RUNX1: variants seen among roughly 807,000 people sequenced by gnomAD.
RUNX1 encodes the protein runt-related transcription factor 1.
RUNX1 carries 19 observed loss-of-function variants against 42.8 expected under a neutral mutation model. That is an observed-to-expected ratio of 0.44 (90% confidence interval 0.31 to 0.65). The LOEUF is 0.65. RUNX1 is among the 30% of genes least tolerant of loss of function. The probability of loss-of-function intolerance (pLI) is 0.07; values close to 1 mark genes in which losing one functional copy is unlikely to be tolerated. For synonymous variants in RUNX1, 271 were observed against 289.4 expected (o/e 0.94, Z 0.64); for missense variants, 528 against 672.0 (o/e 0.79, Z 2.37).
In RUNX1 at chr21:34,789,580, T is replaced by A. The variant is rs1301459197; in HGVS notation, c.*2555A>T. On this transcript the variant is annotated 3_prime_UTR_variant, in exon 9 of 9. Transcript: ENST00000675419. ...ATCTACCTGAAGTCAATGAATGCAATTTTTCACACACACACACACACACGC... is the reference window on the plus strand; with the variant it reads ...ATCTACCTGAAGTCAATGAATGCAAATTTTCACACACACACACACACACGC... 4.3e-6 allele frequency: 1 copy of A among 231,516 alleles called. No homozygotes were observed. Among genetic ancestry groups the A allele is most frequent in the Non-Finnish European group, 8.5e-6 (1 of 118,044 alleles). The allele number at this position is 231,516 out of a possible 1,614,324, so 14.3% of individuals were successfully genotyped here.
At chr21:34,950,424 C>A (rs961764249) in intron 2 of RUNX1, among the ~76,000 whole-genome samples, 8 of 148,956 alleles carry the variant, frequency 5.4e-5, no homozygotes, top group African/African-American at 2.1e-4. Context: ...AAGCTCTTAA[C>A]AAGGAAATGC....
At chr21:35,000,417 T>C (rs953282529) in intron 2 of RUNX1, among the ~76,000 whole-genome samples, 2 of 152,032 alleles carry the variant, frequency 1.3e-5, no homozygotes, top group Non-Finnish European at 2.9e-5. Flanking sequence ...ATTTTTTGTA[T>C]TTTTAGTAAA....
rs191626231 is a variant in RUNX1, at chr21:34,849,692, T to C, written c.613+9782A>G. 1.4e-3 allele frequency among the ~76,000 whole-genome samples: 217 copies of C among 149,862 alleles called. 1 individual carries two copies. Among genetic ancestry groups the C allele is most frequent in the South Asian group, 7.1e-3 (34 of 4,786 alleles). ...GATATGTCTGATAATATAGCCATAATGTACGGTAATAGATTATACCTAATT... is the reference window on the plus strand; with the variant it reads ...GATATGTCTGATAATATAGCCATAACGTACGGTAATAGATTATACCTAATT... On this transcript the variant is annotated intron_variant, in intron 6 of 8. Coordinates refer to ENST00000675419, the MANE Select transcript of RUNX1 (RefSeq NM_001754.5).
intron 5 of RUNX1, among the ~76,000 whole-genome samples, chr21:34,868,712 T>C (rs1345171941): frequency 6.6e-6 from 1 of 152,236 alleles, no homozygotes; most frequent in Non-Finnish European, 1.5e-5. Flanking sequence ...TCATGTGTTA[T>C]CTACTCACAA....
At chr21:35,038,572 C>CCTCTCTCT (rs59976658) in intron 2 of RUNX1, 451 of 336,504 alleles carry the variant, frequency 1.3e-3, no homozygotes, top group East Asian at 2.2e-3. Context: ...TGAATGCTGG[C>CCTCTCTCT]CTCTCTCTCT....
At chr21:34,810,098 A>G (rs1424162722) in intron 7 of RUNX1, among the ~76,000 whole-genome samples, 1 of 152,170 alleles carries the variant, frequency 6.6e-6, no homozygotes, top group Non-Finnish European at 1.5e-5. Flanking sequence ...GGGGGCATGG[A>G]GCAGTGATCT....
chr21:34,892,247 A>G (rs1407138774), intron 3 of RUNX1, among the ~76,000 whole-genome samples: 4 of 152,238 alleles, frequency 2.6e-5, no homozygotes, highest in African/African-American at 7.2e-5. Flanking sequence ...GAAGAGTAAC[A>G]TGTATGTACA....
At chr21:34,801,848 G>A (rs1411663836) in intron 7 of RUNX1, among the ~76,000 whole-genome samples, 1 of 152,228 alleles carries the variant, frequency 6.6e-6, no homozygotes, top group African/African-American at 2.4e-5. Context: ...GTCTGACAGG[G>A]CCAACATGAA....
intron 6 of RUNX1, among the ~76,000 whole-genome samples, chr21:34,853,869 G>A (rs2057460030): frequency 1.4e-5 from 2 of 147,494 alleles, no homozygotes; most frequent in African/African-American, 5.0e-5. Context: ...CTGGAGTACA[G>A]TGGCACCATC....
intron 5 of RUNX1, among the ~76,000 whole-genome samples, chr21:34,868,427 C>T (rs891628653): frequency 1.3e-5 from 2 of 152,138 alleles, no homozygotes; most frequent in South Asian, 2.1e-4. Context: ...AAATTCCCAA[C>T]GTGGATGTTA....
chr21:34,817,635 T>C (rs2056845961), intron 7 of RUNX1, among the ~76,000 whole-genome samples: 1 of 152,172 alleles, frequency 6.6e-6, no homozygotes, highest in Admixed American at 6.5e-5. Flanking sequence ...ACATGGCCAC[T>C]ACATGTGTGA....
intron 2 of RUNX1, among the ~76,000 whole-genome samples, chr21:35,006,271 T>A (rs1369090147): frequency 6.6e-6 from 1 of 152,170 alleles, no homozygotes. Flanking sequence ...TGAAACAGCC[T>A]CAATGTTTTT....
intron 2 of RUNX1, among the ~76,000 whole-genome samples, chr21:34,990,033 C>T (rs1224975874): frequency 6.6e-6 from 1 of 152,182 alleles, no homozygotes; most frequent in Non-Finnish European, 1.5e-5. Context: ...TTACAAGTCT[C>T]ACCTCCCACT....
intron 3 of RUNX1, 161 bp from the exon 4 acceptor site, chr21:34,887,257 G>GGGGGGT: frequency 2.3e-6 from 3 of 1,309,544 alleles, no homozygotes; most frequent in Non-Finnish European, 3.0e-6. Flanking sequence ...GGGGGCGGGG[G>GGGGGGT]TGGTTAGGGG....
chr21:34,878,098 T>C (rs2057840287), intron 5 of RUNX1, among the ~76,000 whole-genome samples: 1 of 150,778 alleles, frequency 6.6e-6, no homozygotes, highest in Non-Finnish European at 1.5e-5. Context: ...TAAGATTCAG[T>C]GAGGAAGATT....
intron 4 of RUNX1, among the ~76,000 whole-genome samples, 186 bp from the exon 5 acceptor site, chr21:34,880,899 T>C (rs1020422813): frequency 6.6e-6 from 1 of 152,264 alleles, no homozygotes; most frequent in Non-Finnish European, 1.5e-5. Flanking sequence ...CACTTTTTTA[T>C]TATATTTTAG....
At chr21:34,804,943 G>C (rs973282786) in intron 7 of RUNX1, among the ~76,000 whole-genome samples, 1 of 151,802 alleles carries the variant, frequency 6.6e-6, no homozygotes, top group Admixed American at 6.6e-5. Flanking sequence ...GGTAGAGACA[G>C]GGTTTCACCA....
At chr21:34,872,677 G>C (rs370503530) in intron 5 of RUNX1, among the ~76,000 whole-genome samples, 2 of 152,266 alleles carry the variant, frequency 1.3e-5, no homozygotes, top group Non-Finnish European at 2.9e-5. Context: ...ATCAGGGCGA[G>C]ATCACGCATG....
At chr21:35,045,602 A>G (rs2059390406) in intron 2 of RUNX1, among the ~76,000 whole-genome samples, 1 of 152,096 alleles carries the variant, frequency 6.6e-6, no homozygotes, top group Non-Finnish European at 1.5e-5. Context: ...GAGAGGCCTC[A>G]CCAGAAATCA....
Sources: allele counts gnomAD v4.1 joint callset (sites outside exome capture counted in the v4.1 genomes callset), GRCh38; gene constraint gnomAD v4.1.1; transcripts MANE v1.5; gene names NCBI Gene and HGNC (gene_info 2026-07-23, HGNC 2026-07-21).